SCUBE1: variants seen among roughly 807,000 people sequenced by gnomAD.
The protein encoded by SCUBE1 is signal peptide, CUB and EGF-like domain-containing protein 1.
SCUBE1 carries 59 observed loss-of-function variants against 124.4 expected under a neutral mutation model. The observed-to-expected ratio is 0.47, with a 90% CI of 0.38 to 0.59. The LOEUF is 0.59. SCUBE1 is among the 20% of genes least tolerant of loss of function. The pLI is 0.00. For synonymous variants in SCUBE1, 545 were observed against 550.9 expected (o/e 0.99, Z 0.15); for missense variants, 1,150 against 1,371.2 (o/e 0.84, Z 2.55).
chr22:43,264,898 C>T (rs972327903), intron 4 of SCUBE1, among the ~76,000 whole-genome samples: 21 of 152,258 alleles, frequency 1.4e-4, no homozygotes, highest in African/African-American at 4.3e-4. Context: ...CCTTCTACTC[C>T]CTGTGTCTCC....
intron 6 of SCUBE1, among the ~76,000 whole-genome samples, chr22:43,243,585 G>A (rs1923090103): frequency 6.6e-6 from 1 of 152,208 alleles, no homozygotes; most frequent in Non-Finnish European, 1.5e-5. Context: ...GGCACTGCCT[G>A]CTTACGCCGC....
intron 4 of SCUBE1, chr22:43,283,787 T>C (rs1245440714): frequency 6.6e-6 from 1 of 152,244 alleles, no homozygotes; most frequent in Non-Finnish European, 1.5e-5. Flanking sequence ...TTTTGCAGCT[T>C]CTTATGGATC....
Position 43,230,491 on chromosome 22 carries a change from G to A in SCUBE1, c.967+1262C>T, listed in dbSNP as rs1032709976. On this transcript the variant is annotated intron_variant, in intron 8 of 21. Transcript: ENST00000360835. ...CGGGTGAGGACAGGGCCTCACAAGCGATCTCACCTCCTCCTCGACAGCCGC... is the reference window on the plus strand; with the variant it reads ...CGGGTGAGGACAGGGCCTCACAAGCAATCTCACCTCCTCCTCGACAGCCGC... Among the ~76,000 whole-genome samples, 56 of 152,312 alleles carry A rather than the reference G, an allele frequency of 3.7e-4. 1 individual carries two copies. The highest frequency in any genetic ancestry group is 6.6e-4 in the Non-Finnish European group (45 of 68,004).
chr22:43,250,607 G>A (rs62232089), intron 6 of SCUBE1, among the ~76,000 whole-genome samples: 60,033 of 152,062 alleles, frequency 0.39, 12,721 homozygotes, highest in African/African-American at 0.53. Flanking sequence ...TGCGGGGAGA[G>A]GAGTTCCCAG....
chr22:43,253,957 C>T lies in SCUBE1; in HGVS notation c.727+4262G>A, dbSNP rs115399808. Reference sequence around the variant, plus strand: ...ACTGACGACTCTGGGGCTCCCTCCACCTGCCTCCAGCCACCCTTCCAGAAA... The same window carrying T: ...ACTGACGACTCTGGGGCTCCCTCCATCTGCCTCCAGCCACCCTTCCAGAAA... On this transcript the variant is annotated intron_variant, in intron 6 of 21. Coordinates refer to ENST00000360835, the MANE Select transcript of SCUBE1 (RefSeq NM_173050.5). Among the ~76,000 whole-genome samples the T allele has an allele frequency of 2.7e-3, 412 of 152,324 alleles. 1 individual carries two copies. Among genetic ancestry groups the T allele is most frequent in the African/African-American group, 9.4e-3 (389 of 41,572 alleles).
intron 4 of SCUBE1, among the ~76,000 whole-genome samples, chr22:43,272,950 G>A (rs1412799180): frequency 2.0e-5 from 3 of 152,226 alleles, no homozygotes; most frequent in African/African-American, 4.8e-5. Flanking sequence ...GAGTTCACAT[G>A]CAGCCTCCCA....
intron 3 of SCUBE1, among the ~76,000 whole-genome samples, chr22:43,296,513 G>T (rs565788011): frequency 6.6e-6 from 1 of 152,364 alleles, no homozygotes; most frequent in African/African-American, 2.4e-5. Flanking sequence ...TAGCTACAAA[G>T]AGACAGGAGG....
chr22:43,229,750 T>C (rs542785502), intron 8 of SCUBE1, among the ~76,000 whole-genome samples: 14 of 152,134 alleles, frequency 9.2e-5, no homozygotes, highest in Non-Finnish European at 1.9e-4. Context: ...TGAAATGTGA[T>C]GATGAGCTTC....
chr22:43,229,187 G>C lies in SCUBE1; in HGVS notation c.969C>G (p.Asp323Glu), dbSNP rs2146676909. The change falls in exon 9 of 22, where the codon GAC becomes GAG. Residue 323 changes from aspartate (D) to glutamate (E), a missense_variant and splice_region_variant. This residue lies in a region of SCUBE1 where 337 missense variants were observed against 482.1 expected (regional missense o/e 0.70). Transcript: ENST00000360835. The part of the protein sequence containing the change: ...KLLTDERTCQ[D>E]IDECSFERTC... ...TCCGCTCGAAGGAGCACTCGTCGAT[G>C]TCTGCGTGGCCACAGGGAGACAAAG... The C allele has an allele frequency of 3.1e-6, 5 of 1,609,570 alleles. No homozygotes were observed. The highest frequency in any genetic ancestry group is 4.3e-6 in the Non-Finnish European group (5 of 1,176,098).
At chr22:43,218,144 C>G in intron 15 of SCUBE1, 111 bp downstream of exon 15, 1 of 1,025,680 alleles carries the variant, frequency 9.7e-7, no homozygotes, top group Non-Finnish European at 1.5e-6. Flanking sequence ...CTGCATCTCT[C>G]TGTCCCCTCC....
chr22:43,286,365 C>A (rs1925143315), intron 4 of SCUBE1, among the ~76,000 whole-genome samples: 1 of 152,240 alleles, frequency 6.6e-6, no homozygotes, highest in Admixed American at 6.5e-5. Flanking sequence ...ATGATGGAGA[C>A]AATGCGACGT....
chr22:43,342,273 C>G (rs1194636000), intron 1 of SCUBE1, among the ~76,000 whole-genome samples: 2 of 151,752 alleles, frequency 1.3e-5, no homozygotes, highest in Non-Finnish European at 2.9e-5. Context: ...GTGGGGGGGT[C>G]CCCGTGAAAC....
At position 43,231,035 on chromosome 22, in the gene SCUBE1, C is replaced by T. The variant is rs180956568; in HGVS notation, c.967+718G>A. ...CTGCCCTGCTACATGGGGTGCCCCA[C>T]CCCCTGCACTTTCTCCCAGTGTGGG... On this transcript the variant is annotated intron_variant, in intron 8 of 21. Transcript: ENST00000360835. Among the ~76,000 whole-genome samples the T allele has an allele frequency of 6.6e-5, 10 of 152,346 alleles. No individual in the cohort carries two copies. In the East Asian group the frequency reaches 1.7e-3, roughly 26 times the overall value.
intron 4 of SCUBE1, chr22:43,281,943 A>G (rs1296016530): frequency 6.6e-6 from 1 of 152,334 alleles, no homozygotes; most frequent in Admixed American, 6.5e-5. Flanking sequence ...ATAGGTAACC[A>G]CAGCTGCTGG....
chr22:43,230,524 T>C (rs1318770672), intron 8 of SCUBE1, among the ~76,000 whole-genome samples: 2 of 152,188 alleles, frequency 1.3e-5, no homozygotes, highest in African/African-American at 4.8e-5. Context: ...CGCCTGCCTC[T>C]TTCAGGGGGC....
At chr22:43,213,794 T>C in intron 16 of SCUBE1, 1 of 271,068 alleles carries the variant, frequency 3.7e-6, no homozygotes, top group Admixed American at 5.3e-5. Context: ...AGTTGCACAC[T>C]GTGAAGTCCT....
chr22:43,269,858 G>A (rs369370485), intron 4 of SCUBE1, among the ~76,000 whole-genome samples: 17 of 152,148 alleles, frequency 1.1e-4, no homozygotes, highest in East Asian at 3.9e-4. Flanking sequence ...GTGCCCAGGG[G>A]GAAGGCGCAG....
chr22:43,217,995 T>G (rs965160599), intron 15 of SCUBE1, among the ~76,000 whole-genome samples: 1 of 151,486 alleles, frequency 6.6e-6, no homozygotes, highest in African/African-American at 2.4e-5. Flanking sequence ...CTCGCGCCCC[T>G]CGACTGTGGC....
chr22:43,266,877 C>G (rs563728121), intron 4 of SCUBE1, among the ~76,000 whole-genome samples: 1 of 152,186 alleles, frequency 6.6e-6, no homozygotes. Context: ...AAGCACATAC[C>G]CTGGCTCCTC....
Sources: gnomAD v4.1 joint callset for allele counts (sites outside exome capture counted in the v4.1 genomes callset) on GRCh38, gnomAD v4.1.1 for gene constraint, gnomAD v4.1.1 regional missense constraint, MANE v1.5 for transcripts, NCBI Gene and HGNC (gene_info 2026-07-23, HGNC 2026-07-21) for gene names.